The following NELL1 variants were observed in gnomAD, a reference collection of about 807,000 sequenced individuals.
NELL1 encodes the protein protein kinase C-binding protein NELL1.
Under a neutral mutation model 107.4 loss-of-function variants are expected in NELL1, and 76 were observed. That is an observed-to-expected ratio of 0.71 (90% CI 0.59 to 0.86). The LOEUF (loss-of-function observed/expected upper bound fraction) is 0.86, where lower values mean the gene tolerates loss of function less well. NELL1 is among the 40% of genes least tolerant of loss of function. NELL1 has a pLI of 0.00. For synonymous variants in NELL1, 353 were observed against 341.2 expected, an observed-to-expected ratio of 1.03 and a Z score of -0.38; for missense variants, 1,024 against 1,005.5, an observed-to-expected ratio of 1.02 and a Z score of -0.25.
chr11:21,254,825 C>T (rs1415401156), intron 14 of NELL1, among the ~76,000 whole-genome samples: 2 of 151,980 alleles, frequency 1.3e-5, no homozygotes, highest in Non-Finnish European at 2.9e-5. Flanking sequence ...CCAGCTGTGC[C>T]GAGATGGCCA....
In NELL1 at chr11:20,783,706, C is replaced by G. The variant is rs574639040; in HGVS notation, c.211C>G (p.Pro71Ala). 3 of 1,613,762 alleles carry G rather than the reference C, an allele frequency of 1.9e-6. No individual in the cohort carries two copies. The highest frequency in any genetic ancestry group is 1.7e-5 in the Admixed American group (1 of 59,988). ...CATAGAAAGAGAGATCCATGCAGCTCCTCATGTGAGTGAGAAATTAATTCA... is the reference window on the plus strand; with the variant it reads ...CATAGAAAGAGAGATCCATGCAGCTGCTCATGTGAGTGAGAAATTAATTCA... ...QDIEREIHAA[P>A]HVSEKLIQLF... The change falls in exon 3 of 20, where the codon CCT (proline) becomes GCT (alanine). Residue 71 changes from proline to alanine, a missense_variant. Physicochemically the swap from Pro to Ala is conservative, Grantham distance 27. Coordinates refer to ENST00000357134, the MANE Select transcript of NELL1 (RefSeq NM_006157.5).
chr11:21,119,569 C>T (rs971921255), intron 13 of NELL1, among the ~76,000 whole-genome samples: 1 of 152,012 alleles, frequency 6.6e-6, no homozygotes, highest in Non-Finnish European at 1.5e-5. Context: ...AGGGAAGTCT[C>T]CCTTGGCCTT....
intron 2 of NELL1, among the ~76,000 whole-genome samples, chr11:20,731,955 A>T (rs563084260): frequency 2.0e-5 from 3 of 152,268 alleles, no homozygotes; most frequent in South Asian, 2.1e-4. Context: ...ACTTCCCTTC[A>T]TGCAAAATCA....
rs114771003 is a variant in NELL1 at position 20,776,839 on chromosome 11, G to A, written c.185-6841G>A. Among the ~76,000 whole-genome samples the A allele has an allele frequency of 8.1e-3, 1,231 of 152,294 alleles. 29 individuals carry two copies. Among genetic ancestry groups the A allele is most frequent in the African/African-American group, 0.028 (1,175 of 41,554 alleles). The stretch of plus-strand genomic sequence containing the variant: ...TTGAATGCCATGGAATATCACAGTC[G>A]ACTCTGCTGGGGCAAGAGTCAGCTT... On this transcript the variant is annotated intron_variant, in intron 2 of 19. Coordinates refer to ENST00000357134, the MANE Select transcript of NELL1 (RefSeq NM_006157.5).
intron 14 of NELL1, among the ~76,000 whole-genome samples, chr11:21,298,813 T>C (rs189345351): frequency 1.7e-3 from 265 of 152,076 alleles, no homozygotes; most frequent in African/African-American, 6.0e-3. Context: ...CAACAACATT[T>C]CCAGTGAAAA....
chr11:20,967,195 G>T (rs1590473594), intron 12 of NELL1, among the ~76,000 whole-genome samples: 1 of 152,210 alleles, frequency 6.6e-6, no homozygotes, highest in East Asian at 1.9e-4. Flanking sequence ...CCAGGGCATA[G>T]GTATTTACTA....
intron 13 of NELL1, among the ~76,000 whole-genome samples, chr11:21,205,085 G>C (rs941594067): frequency 6.6e-6 from 1 of 152,152 alleles, no homozygotes; most frequent in African/African-American, 2.4e-5. Context: ...GGAGACATGG[G>C]GGTCAGGGAC....
At chr11:21,483,786 C>A (rs111503592) in intron 15 of NELL1, among the ~76,000 whole-genome samples, 4,451 of 148,442 alleles carry the variant, frequency 0.03, 216 homozygotes, top group African/African-American at 0.1. Flanking sequence ...AAATAGGATA[C>A]CCAAATAATG....
chr11:21,482,845 G>T (rs78634128), intron 15 of NELL1, among the ~76,000 whole-genome samples: 17 of 151,450 alleles, frequency 1.1e-4, no homozygotes, highest in African/African-American at 1.9e-4. Context: ...CATGGTATTT[G>T]TAAATGATTA....
At chr11:20,979,668 C>T (rs770596688) in intron 12 of NELL1, among the ~76,000 whole-genome samples, 4 of 152,130 alleles carry the variant, frequency 2.6e-5, no homozygotes, top group Non-Finnish European at 4.4e-5. Flanking sequence ...TTGTTGAAAT[C>T]TTTAAATTCT....
chr11:20,711,027 G>A (rs1158897807), intron 2 of NELL1, among the ~76,000 whole-genome samples: 1 of 151,280 alleles, frequency 6.6e-6, no homozygotes, highest in Non-Finnish European at 1.5e-5. Context: ...ATTTGTTTTA[G>A]TTCTACTCTG....
intron 12 of NELL1, among the ~76,000 whole-genome samples, chr11:20,994,836 G>A (rs1852054084): frequency 6.6e-6 from 1 of 152,114 alleles, no homozygotes; most frequent in Admixed American, 6.6e-5. Flanking sequence ...TTCTAATAAG[G>A]TAACCATATG....
chr11:20,822,881 A>C (rs1156526452), intron 3 of NELL1, among the ~76,000 whole-genome samples: 1 of 152,252 alleles, frequency 6.6e-6, no homozygotes, highest in Admixed American at 6.5e-5. Flanking sequence ...GATAGACTGA[A>C]TGAATGAATG....
chr11:20,882,540 T>C (rs1055563030), intron 4 of NELL1, among the ~76,000 whole-genome samples: 1 of 152,230 alleles, frequency 6.6e-6, no homozygotes, highest in Non-Finnish European at 1.5e-5. Flanking sequence ...CATAGATGTG[T>C]ATACTTATAT....
intron 13 of NELL1, among the ~76,000 whole-genome samples, chr11:21,131,563 T>A (rs938596024): frequency 6.6e-6 from 1 of 152,228 alleles, no homozygotes; most frequent in Admixed American, 6.5e-5. Flanking sequence ...CCAAGATTCA[T>A]GGCCTTTCAT....
intron 14 of NELL1, among the ~76,000 whole-genome samples, chr11:21,325,054 G>A (rs1252242095): frequency 6.6e-6 from 1 of 151,846 alleles, no homozygotes; most frequent in African/African-American, 2.4e-5. Flanking sequence ...GTCCTTCTGT[G>A]TGTCTTAAAT....
intron 16 of NELL1, among the ~76,000 whole-genome samples, chr11:21,540,279 C>G (rs1856258171): frequency 1.3e-5 from 2 of 152,040 alleles, no homozygotes; most frequent in Admixed American, 6.6e-5. Context: ...TTGTAACTTA[C>G]TCCTTCTATC....
At chr11:21,441,177 A>T (rs1043243155) in intron 15 of NELL1, among the ~76,000 whole-genome samples, 3 of 152,084 alleles carry the variant, frequency 2.0e-5, no homozygotes, top group Non-Finnish European at 4.4e-5. Flanking sequence ...TTGATTCTCC[A>T]TTCCAAACTT....
intron 15 of NELL1, among the ~76,000 whole-genome samples, chr11:21,408,228 G>T (rs1210196514): frequency 6.6e-6 from 1 of 151,930 alleles, no homozygotes; most frequent in Non-Finnish European, 1.5e-5. Context: ...AATTCAACTG[G>T]CATTCTCATT....
Sources: gnomAD v4.1 joint callset for allele counts (sites outside exome capture counted in the v4.1 genomes callset) on GRCh38, gnomAD v4.1.1 for gene constraint, MANE v1.5 for transcripts, NCBI Gene and HGNC (gene_info 2026-07-23, HGNC 2026-07-21) for gene names.